The following ADGRL3 variants were observed in gnomAD, a reference collection of about 807,000 sequenced individuals.
ADGRL3 encodes calcium-independent alpha-latrotoxin receptor 3.
Under a neutral mutation model 153.5 loss-of-function variants are expected in ADGRL3, and 62 were observed. The ratio of observed to expected loss-of-function variants is 0.40; its 90% CI spans 0.33 to 0.50. The LOEUF (loss-of-function observed/expected upper bound fraction) is 0.50, where lower values mean the gene tolerates loss of function less well. Among genes scored for constraint, ADGRL3 ranks in the 20% least tolerant of loss-of-function variants. The pLI is 0.47. For missense variants in ADGRL3, 1,641 were observed against 1,859.4 expected, an observed-to-expected ratio of 0.88 and a Z score of 2.16; for synonymous variants, 710 against 672.5, an observed-to-expected ratio of 1.06 and a Z score of -0.86.
At chr4:61,369,660 A>G (rs562975223) in intron 1 of ADGRL3, among the ~76,000 whole-genome samples, 2 of 152,290 alleles carry the variant, frequency 1.3e-5, no homozygotes, top group East Asian at 1.9e-4. Context: ...TTTTGCATCA[A>G]TGTTCATCAA....
chr4:61,895,969 A>G, intron 11 of ADGRL3, 135 bp downstream of exon 11: 1 of 483,582 alleles, frequency 2.1e-6, no homozygotes, highest in South Asian at 4.1e-5. Flanking sequence ...GACAACCTCT[A>G]ATATGTTATG....
At chr4:61,583,014 T>C (rs551515634) in intron 4 of ADGRL3, among the ~76,000 whole-genome samples, 1 of 152,220 alleles carries the variant, frequency 6.6e-6, no homozygotes, top group African/African-American at 2.4e-5. Context: ...TTTGCAGATA[T>C]CCTGACACCT....
chr4:61,365,856 C>G (rs1425944709), intron 1 of ADGRL3, among the ~76,000 whole-genome samples: 1 of 151,906 alleles, frequency 6.6e-6, no homozygotes, highest in African/African-American at 2.4e-5. Context: ...TATATAATAC[C>G]TGCAACATTT....
chr4:61,670,077 T>C (rs1391324), intron 5 of ADGRL3, among the ~76,000 whole-genome samples: 151,198 of 152,284 alleles, frequency 0.99, 75,075 homozygotes, highest in Middle Eastern at 1. Flanking sequence ...AGGTGGATCA[T>C]GAGGTCAAGA....
At chr4:61,892,182 CTT>C (rs5858738) in intron 9 of ADGRL3, among the ~76,000 whole-genome samples, 2,111 of 143,646 alleles carry the variant, frequency 0.015, 33 homozygotes, top group African/African-American at 0.046. Context: ...TTTCTGTTTC[CTT>C]TTTTTTTTTT....
intron 8 of ADGRL3, among the ~76,000 whole-genome samples, chr4:61,747,228 C>T (rs928342235): frequency 1.3e-5 from 2 of 150,340 alleles, no homozygotes; most frequent in East Asian, 2.0e-4. Flanking sequence ...AGCTTACCAA[C>T]CAAAAAGAGT....
At chr4:61,801,548 T>C (rs1049074802) in intron 8 of ADGRL3, among the ~76,000 whole-genome samples, 1 of 152,208 alleles carries the variant, frequency 6.6e-6, no homozygotes, top group Admixed American at 6.5e-5. Flanking sequence ...TTTGAAACCA[T>C]AGTTTCTTGT....
chr4:61,497,441 G>C, intron 3 of ADGRL3, 93 bp downstream of exon 3: 1 of 685,782 alleles, frequency 1.5e-6, no homozygotes, highest in Non-Finnish European at 2.4e-6. Context: ...AGACTGCTTT[G>C]TAGTTTTTCC....
At chr4:61,965,033 CTCTT>C (rs1162399024) in intron 17 of ADGRL3, among the ~76,000 whole-genome samples, 2 of 152,042 alleles carry the variant, frequency 1.3e-5, no homozygotes, top group Non-Finnish European at 2.9e-5. Flanking sequence ...CAGGATCTCA[CTCTT>C]TCACTCAGGC....
At chr4:61,869,816 TAA>T (rs2149366359) in intron 9 of ADGRL3, among the ~76,000 whole-genome samples, 1 of 150,690 alleles carries the variant, frequency 6.6e-6, no homozygotes, top group Admixed American at 6.6e-5. Context: ...CACATACCTG[TAA>T]TCCCAGCTAC....
At chr4:61,301,311 C>T (rs576741651) in intron 1 of ADGRL3, among the ~76,000 whole-genome samples, 10 of 152,098 alleles carry the variant, frequency 6.6e-5, no homozygotes, top group Non-Finnish European at 1.3e-4. Flanking sequence ...AAATATTAGC[C>T]AGCAATGAGA....
chr4:61,533,916 CA>C (rs2098638975), intron 4 of ADGRL3, among the ~76,000 whole-genome samples: 1 of 152,056 alleles, frequency 6.6e-6, no homozygotes, highest in South Asian at 2.1e-4. Context: ...ATTTCAGATT[CA>C]GGGGATACAC....
intron 2 of ADGRL3, among the ~76,000 whole-genome samples, chr4:61,400,158 G>T (rs1028912112): frequency 2.6e-5 from 4 of 151,768 alleles, no homozygotes; most frequent in African/African-American, 9.6e-5. Context: ...TAAATAAAAA[G>T]ATTTTGCCTA....
At chr4:61,321,745 T>C (rs972228351) in intron 1 of ADGRL3, among the ~76,000 whole-genome samples, 3 of 152,112 alleles carry the variant, frequency 2.0e-5, no homozygotes, top group African/African-American at 7.2e-5. Context: ...AAAAATATGA[T>C]ATTATAATCT....
rs2092874390 is a variant in ADGRL3 at position 61,266,802 on chromosome 4, T to A, written c.-240+65037T>A. ...TTCCAAATTAGAGTAGTCCAGTAATTGAAGTAAGCCAGAACTAATGTCAGT... is the reference window on the plus strand; with the variant it reads ...TTCCAAATTAGAGTAGTCCAGTAATAGAAGTAAGCCAGAACTAATGTCAGT... On this transcript the variant is annotated intron_variant, in intron 1 of 26. Transcript: ENST00000683033. 2.0e-5 allele frequency among the ~76,000 whole-genome samples: 3 copies of A among 151,724 alleles called. No homozygotes were observed. In the South Asian group the frequency reaches 6.2e-4, roughly 31 times the overall value.
At chr4:62,012,650 G>A (rs1457127973) in intron 21 of ADGRL3, among the ~76,000 whole-genome samples, 1 of 152,042 alleles carries the variant, frequency 6.6e-6, no homozygotes, top group East Asian at 1.9e-4. Flanking sequence ...TGCCATTTCA[G>A]TAAACATATC....
chr4:61,450,671 G>T (rs2097662871), intron 2 of ADGRL3, among the ~76,000 whole-genome samples: 1 of 152,014 alleles, frequency 6.6e-6, no homozygotes, highest in Non-Finnish European at 1.5e-5. Context: ...ATGGATTAAT[G>T]AAAAACACAG....
chr4:61,531,946 G>A (rs571103469), intron 4 of ADGRL3, among the ~76,000 whole-genome samples: 1 of 152,284 alleles, frequency 6.6e-6, no homozygotes, highest in South Asian at 2.1e-4. Flanking sequence ...TTCAAATGAA[G>A]GTGGTGTGTT....
intron 9 of ADGRL3, among the ~76,000 whole-genome samples, chr4:61,860,057 T>C (rs892796104): frequency 6.6e-6 from 1 of 152,190 alleles, no homozygotes; most frequent in Non-Finnish European, 1.5e-5. Context: ...TGTATATCAA[T>C]GTTTACTGTT....
Sources: gnomAD v4.1 joint callset for allele counts (sites outside exome capture counted in the v4.1 genomes callset) on GRCh38, gnomAD v4.1.1 for gene constraint, MANE v1.5 for transcripts, NCBI Gene and HGNC (gene_info 2026-07-23, HGNC 2026-07-21) for gene names.